The following MICAL1 variants were observed in gnomAD, a reference collection of about 807,000 sequenced individuals.
MICAL1 encodes microtubule associated monooxygenase, calponin and LIM domain containing 1, also known as [F-actin]-monooxygenase MICAL1.
MICAL1 carries 95 observed loss-of-function variants against 131.8 expected under a neutral mutation model. The observed-to-expected ratio is 0.72, with a 90% CI of 0.61 to 0.86. MICAL1 has a LOEUF of 0.86. Ranked by LOEUF, MICAL1 falls within the 40% of genes least tolerant of loss-of-function variation. MICAL1 has a pLI of 0.00. For synonymous variants in MICAL1, 546 were observed against 554.2 expected (o/e 0.99, Z 0.21); for missense variants, 1,292 against 1,380.6 (o/e 0.94, Z 1.02).
In MICAL1 at chr6:109,449,715, C is replaced by T. The variant is rs140684172; in HGVS notation, c.1376G>A (p.Gly459Glu). ...GGGGTAGCGGGTGGCTGGGTCCAGCCCATACTGGGCCACATTGCGATGCAT... is the reference window on the plus strand; with the variant it reads ...GGGGTAGCGGGTGGCTGGGTCCAGCTCATACTGGGCCACATTGCGATGCAT... ...ENMHRNVAQY[G>E]LDPATRYPNL... Residue 459 changes from glycine (G) to glutamate (E), a missense_variant, in exon 10 of 25, where the codon GGG becomes GAG. Gly to Glu is a moderately conservative substitution (Grantham distance 98). Transcript: ENST00000358807. 5 of 1,598,254 alleles carry T rather than the reference C, an allele frequency of 3.1e-6. No individual in the cohort carries two copies. The highest frequency in any genetic ancestry group is 2.7e-5 in the African/African-American group (2 of 74,626).
intron 19 of MICAL1, 126 bp downstream of exon 19, chr6:109,446,010 G>C: frequency 6.8e-7 from 1 of 1,470,936 alleles, no homozygotes; most frequent in Non-Finnish European, 9.0e-7. Flanking sequence ...GAATGGAGCA[G>C]AGGAGAGGCT....
At chr6:109,454,363 C>T (rs1187728041) in intron 1 of MICAL1, 124 bp from the exon 2 acceptor site, 7 of 961,084 alleles carry the variant, frequency 7.3e-6, no homozygotes, top group Non-Finnish European at 1.0e-5. Flanking sequence ...TGGCTCTGCT[C>T]CTCCCAGCCC....
intron 20 of MICAL1, 70 bp from the exon 21 acceptor site, chr6:109,445,599 G>A (rs751497357): frequency 5.4e-5 from 85 of 1,583,168 alleles, no homozygotes; most frequent in Middle Eastern, 1.7e-4. Flanking sequence ...TGTTTGGAAA[G>A]GCAGAAAATA....
At position 109,449,697 on chromosome 6, in the gene MICAL1, CG is replaced by C. The variant is rs1775447859; in HGVS notation, c.1393del (p.Arg465AlafsTer5). ...TGCCCGGAGGTTCAGGTTGGGGTAG[CG>C]GGTGGCTGGGTCCAGCCCATACTGG... ...VAQYGLDPAT[R>X]YPNLNLRAVT... is the part of the protein sequence containing the mutation. On this transcript the variant is annotated frameshift_variant, in exon 10 of 25. Transcript: ENST00000358807. LOFTEE classifies it high-confidence loss of function. The C allele has an allele frequency of 2.5e-6, 4 of 1,587,480 alleles. No homozygotes were observed. The highest frequency in any genetic ancestry group is 3.4e-6 in the Non-Finnish European group (4 of 1,167,592).
At chr6:109,453,415 C>G in intron 3 of MICAL1, 48 bp from the exon 4 acceptor site, 1 of 1,587,818 alleles carries the variant, frequency 6.3e-7, no homozygotes, top group South Asian at 1.1e-5. Flanking sequence ...GCAGCACAAG[C>G]TCCCCATGTA....
Position 109,447,878 on chromosome 6 carries a change from G to C in MICAL1, c.1941C>G (p.Ala647=). The change falls in exon 14 of 25, where the codon GCC becomes GCG. Residue 647 remains alanine, a synonymous_variant. Coordinates refer to ENST00000358807, the MANE Select transcript of MICAL1 (RefSeq NM_022765.4). ...KLQRTLQRSR[A]KENAEDAGGK... ...CAGCCCTGCCTAAACTCTCCACCTT[G>C]GCCCGGGATCGCTGCAGGGTCCTCT... 1 of 1,613,230 alleles carries C rather than the reference G, an allele frequency of 6.2e-7. No individual in the cohort carries two copies. Among genetic ancestry groups the C allele is most frequent in the East Asian group, 2.2e-5 (1 of 44,874 alleles).
chr6:109,465,529 G>A (rs1038445404), intron 1 of MICAL1: 1 of 966,452 alleles, frequency 1.0e-6, no homozygotes, highest in Non-Finnish European at 1.5e-6. Context: ...ATAACCTATG[G>A]CTGTGAACAT....
At chr6:109,461,487 C>T (rs1775887060) in intron 1 of MICAL1, among the ~76,000 whole-genome samples, 1 of 152,074 alleles carries the variant, frequency 6.6e-6, no homozygotes, top group South Asian at 2.1e-4. Flanking sequence ...TGCTTGTAAT[C>T]CCAGCACTTT....
In MICAL1 at chr6:109,452,389, C is replaced by G. The variant is rs746605594; in HGVS notation, c.689G>C (p.Arg230Pro). ...GKFVPEGFKV[R>P]EMRGKLAIGI... ...AATGGCCAGTTTGCCTCGCATTTCTCGAACTTTGAAGCCTAGAGGTGGCGG... is the reference window on the plus strand; with the variant it reads ...AATGGCCAGTTTGCCTCGCATTTCTGGAACTTTGAAGCCTAGAGGTGGCGG... The change falls in exon 6 of 25, where the codon CGA becomes CCA. Residue 230 changes from arginine to proline, a missense_variant. By Grantham distance (103) the Arg-to-Pro change is moderately radical. Coordinates refer to ENST00000358807, the MANE Select transcript of MICAL1 (RefSeq NM_022765.4). 1.9e-6 allele frequency: 3 copies of G among 1,614,024 alleles called. No homozygotes were observed. Among genetic ancestry groups the G allele is most frequent in the Non-Finnish European group, 2.5e-6 (3 of 1,179,946 alleles).
intron 1 of MICAL1, chr6:109,464,863 T>C (rs1026485854): frequency 2.6e-5 from 4 of 152,186 alleles, no homozygotes; most frequent in African/African-American, 9.7e-5. Context: ...TAGTCTGCAA[T>C]AAAAATGAAT....
rs1775373703 is a variant in MICAL1, at chr6:109,448,827, A to G, written c.1569T>C (p.Ala523=). The G allele has an allele frequency of 4.3e-6, 7 of 1,614,030 alleles. No individual in the cohort carries two copies. The highest frequency in any genetic ancestry group is 5.9e-6 in the Non-Finnish European group (7 of 1,179,980). ...ELLRWCQEQT[A]GYPGVHVSDL... is the part of the protein sequence containing the mutation. ...CGGAGACGTGGACTCCCGGGTACCC[A>G]GCTGTCTGCTCCTGGCACCAGCGTA... Residue 523 remains alanine (A), a synonymous_variant, in exon 12 of 25, where the codon GCT becomes GCC. Coordinates refer to ENST00000358807, the MANE Select transcript of MICAL1 (RefSeq NM_022765.4).
rs755666940 is a variant in MICAL1 at position 109,445,509 on chromosome 6, C to A, written c.2694G>T (p.Lys898Asn). 2 of 1,613,958 alleles carry A rather than the reference C, an allele frequency of 1.2e-6. No individual in the cohort carries two copies. Among genetic ancestry groups the A allele is most frequent in the African/African-American group, 2.7e-5 (2 of 74,928 alleles). The change falls in exon 21 of 25, where the codon AAG becomes AAT. Residue 898 changes from lysine to asparagine, a missense_variant. Coordinates refer to ENST00000358807, the MANE Select transcript of MICAL1 (RefSeq NM_022765.4). The stretch of plus-strand genomic sequence containing the variant: ...GGTAGTTATTCATGGTGCCTGAGGT[C>A]TTGGCAAAGGTCTGCAGGGCCTATA... ...DVEQALQTFA[K>N]TSGTMNNYPT...
upstream of MICAL1, chr6:109,455,839 T>A: frequency 2.0e-6 from 2 of 985,418 alleles, no homozygotes; most frequent in South Asian, 4.7e-5. This position sits in a 1 kb window ranked among gnomAD's most constrained non-coding sequence, Gnocchi z 4.7. Flanking sequence ...GATGCTGGGA[T>A]GCGGGGCGGC....
intron 16 of MICAL1, 51 bp from the exon 17 acceptor site, chr6:109,447,280 A>G (rs747373732): frequency 2.5e-6 from 4 of 1,613,918 alleles, no homozygotes; most frequent in Non-Finnish European, 8.5e-7. Context: ...GCCAGCTCCA[A>G]AGTTCTTTCC....
At position 109,445,876 on chromosome 6, in the gene MICAL1, C is replaced by T; in HGVS notation, c.2582-14G>A. 1 of 1,591,600 alleles carries T rather than the reference C, an allele frequency of 6.3e-7. No homozygotes were observed. The highest frequency in any genetic ancestry group is 8.6e-7 in the Non-Finnish European group (1 of 1,168,060). On this transcript the variant is annotated splice_polypyrimidine_tract_variant and intron_variant, in intron 19 of 24. Transcript: ENST00000358807. ...TGGCCACAAGAGCTGAGAAGAAGAA[C>T]TGAGACGTTCTACTGCCTCCAGCGC...
intron 12 of MICAL1, 103 bp downstream of exon 12, chr6:109,448,629 C>G: frequency 6.6e-7 from 1 of 1,508,328 alleles, no homozygotes; most frequent in Non-Finnish European, 9.1e-7. Flanking sequence ...TCTCACAAGA[C>G]TGTCGGCAGA....
At chr6:109,449,128 C>A in intron 11 of MICAL1, 1 of 662,092 alleles carries the variant, frequency 1.5e-6, no homozygotes, top group Admixed American at 2.4e-5. Flanking sequence ...GGGCAGCAGA[C>A]TAAACTGGGG....
Position 109,452,673 on chromosome 6 carries a change from C to T in MICAL1, c.572-58G>A, listed in dbSNP as rs560564629. 1.4e-5 allele frequency: 18 copies of T among 1,323,340 alleles called. No homozygotes were observed. In the South Asian group the frequency reaches 2.2e-4, roughly 16 times the overall value. The allele number at this position is 1,323,340 out of a possible 1,614,324, so 82.0% of individuals were successfully genotyped here. A position where few individuals can be genotyped will look rare whatever the true frequency, so the allele number is the denominator to read the frequency against. ...TAGAAGTCGTAAGAGCCCCTATACT[C>T]TCAGGACAAACCAGTGAAATCATCA... On this transcript the variant is annotated intron_variant, in intron 4 of 24. Transcript: ENST00000358807.
rs1479458518 is a variant in MICAL1, at chr6:109,449,640, T to C, written c.1434+17A>G. On this transcript the variant is annotated intron_variant, in intron 10 of 24. Coordinates refer to ENST00000358807, the MANE Select transcript of MICAL1 (RefSeq NM_022765.4). ...GGGTTGGCTTGGGAAGGCTGGTGGGTGTGTCGGGGGTCTGACCTGATTGGG... is the reference window on the plus strand; with the variant it reads ...GGGTTGGCTTGGGAAGGCTGGTGGGCGTGTCGGGGGTCTGACCTGATTGGG... The C allele has an allele frequency of 1.1e-5, 17 of 1,583,566 alleles. No homozygotes were observed. The highest frequency in any genetic ancestry group is 1.5e-5 in the Non-Finnish European group (17 of 1,164,348).
Sources: gnomAD v4.1 joint callset for allele counts (sites outside exome capture counted in the v4.1 genomes callset) on GRCh38, gnomAD v4.1.1 for gene constraint, Gnocchi (gnomAD v3.1) non-coding constraint, MANE v1.5 for transcripts, NCBI Gene and HGNC (gene_info 2026-07-23, HGNC 2026-07-21) for gene names.